Variants in ZFP90 observed in about 807,000 individuals in gnomAD.
The protein encoded by ZFP90 is zinc finger protein 90 homolog.
In ZFP90, 38 loss-of-function variants were observed where a neutral mutation model predicts 60.8. The observed-to-expected ratio is 0.62, with a 90% CI of 0.48 to 0.82. The LOEUF (loss-of-function observed/expected upper bound fraction) is 0.82, where lower values mean the gene tolerates loss of function less well. Among genes scored for constraint, ZFP90 ranks in the 40% least tolerant of loss-of-function variants. The pLI, the probability that ZFP90 is intolerant of heterozygous loss-of-function variation, is 0.00. For synonymous variants in ZFP90, 287 were observed against 264.8 expected (o/e 1.08, Z -0.82); for missense variants, 711 against 759.1 (o/e 0.94, Z 0.74).
intron 2 of ZFP90, among the ~76,000 whole-genome samples, chr16:68,542,783 C>T (rs546320543): frequency 1.3e-5 from 2 of 152,200 alleles, no homozygotes; most frequent in South Asian, 4.1e-4. Flanking sequence ...CCTTGTAACT[C>T]GTTCATTCAT....
At chr16:68,557,253 T>A (rs1728784) in intron 2 of ZFP90, 358,777 of 455,828 alleles carry the variant, frequency 0.79, 141,783 homozygotes, top group African/African-American at 0.89. Flanking sequence ...GGCTCAAGCG[T>A]TCTGCCGGCC....
At chr16:68,569,483 A>G (rs1780159753), downstream of ZFP90, among the ~76,000 whole-genome samples, 1 of 152,014 alleles carries the variant, frequency 6.6e-6, no homozygotes, top group Non-Finnish European at 1.5e-5. Context: ...TTGTTTTCCT[A>G]TCCAGTCATT....
chr16:68,570,051 CGT>C (rs3053783), downstream of ZFP90, among the ~76,000 whole-genome samples: 115,002 of 150,158 alleles, frequency 0.77, 44,073 homozygotes, highest in East Asian at 0.82. Context: ...TGTGTGTATA[CGT>C]GTGTGTGTGT....
At chr16:68,552,276 T>C (rs77542262) in intron 2 of ZFP90, among the ~76,000 whole-genome samples, 339 of 152,344 alleles carry the variant, frequency 2.2e-3, no homozygotes, top group Non-Finnish European at 3.6e-3. Flanking sequence ...TTGTCTGTTA[T>C]GTACCAAACT....
intron 2 of ZFP90, among the ~76,000 whole-genome samples, chr16:68,543,626 T>C (rs1195652248): frequency 6.6e-6 from 1 of 151,814 alleles, no homozygotes; most frequent in Admixed American, 6.6e-5. Flanking sequence ...AGTGGCGTGA[T>C]CTTGGCTCAC....
At chr16:68,557,335 G>A (rs2091361444) in intron 2 of ZFP90, 7 of 450,406 alleles carry the variant, frequency 1.6e-5, no homozygotes, top group East Asian at 1.4e-4. Flanking sequence ...TTATTAATAC[G>A]GCGAGGTGTT....
chr16:68,541,930 CTCAGTTGCAT>C (rs2091057462), intron 2 of ZFP90, among the ~76,000 whole-genome samples: 1 of 152,166 alleles, frequency 6.6e-6, no homozygotes, highest in African/African-American at 2.4e-5. Flanking sequence ...AACGCCCTGG[CTCAGTTGCAT>C]TCTCATTGAA....
chr16:68,535,625 T>C (rs908502816), upstream of ZFP90: 18 of 152,132 alleles, frequency 1.2e-4, no homozygotes, highest in Non-Finnish European at 1.9e-4. Flanking sequence ...ATACTAGGCA[T>C]TGGCAATTTA....
Position 68,564,373 on chromosome 16 carries a change from AGT to A in ZFP90, c.1590_1591del (p.Cys530TrpfsTer5). ...GGAGAGAAACCCTATGAATGTAATG[AGT>A]GTGGAGAAGCCTTTAGTCGACGCTC... is the stretch of plus-strand genomic sequence containing the variant. On this transcript the variant is annotated frameshift_variant, in exon 5 of 5. Coordinates refer to ENST00000563169, the MANE Select transcript of ZFP90 (RefSeq NM_001305203.2). LOFTEE classifies it high-confidence loss of function. 4 of 1,614,072 alleles carry A rather than the reference AGT, an allele frequency of 2.5e-6. No homozygotes were observed. Among genetic ancestry groups the A allele is most frequent in the Non-Finnish European group, 3.4e-6 (4 of 1,179,968 alleles).
chr16:68,546,005 T>A (rs971583227), intron 2 of ZFP90, among the ~76,000 whole-genome samples: 1 of 151,628 alleles, frequency 6.6e-6, no homozygotes, highest in Non-Finnish European at 1.5e-5. Flanking sequence ...TGAAACCCCA[T>A]CTCTACTAAA....
At chr16:68,556,318 G>T in intron 2 of ZFP90, among the ~76,000 whole-genome samples, 1 of 152,162 alleles carries the variant, frequency 6.6e-6, no homozygotes. Context: ...CAGCCAGCCA[G>T]CCAGCCATGT....
chr16:68,574,779 G>A (rs1485513818), intron 2 of ZFP90, among the ~76,000 whole-genome samples: 1 of 151,896 alleles, frequency 6.6e-6, no homozygotes, highest in Non-Finnish European at 1.5e-5. Context: ...ACAAAAATTA[G>A]CTGGCATGGT....
Position 68,566,189 on chromosome 16 carries a change from C to A in ZFP90, c.*1491C>A, listed in dbSNP as rs963890290. On this transcript the variant is annotated 3_prime_UTR_variant, in exon 5 of 5. Coordinates refer to ENST00000563169, the MANE Select transcript of ZFP90 (RefSeq NM_001305203.2). ...TATTAGTAAAGCATCAGCTAAGCTT[C>A]AGTGGCCTGCTCCATCCCCTAATGA... The A allele has an allele frequency of 2.3e-5, 23 of 985,446 alleles. No homozygotes were observed. In the African/African-American group the frequency reaches 4.0e-4, roughly 17 times the overall value. The allele number at this position is 985,446 out of a possible 1,614,324, so 61.0% of individuals were successfully genotyped here. A position where few individuals can be genotyped will look rare whatever the true frequency, so the allele number is the denominator to read the frequency against.
chr16:68,535,666 A>T (rs932456671), upstream of ZFP90: 9 of 150,438 alleles, frequency 6.0e-5, no homozygotes, highest in Admixed American at 2.6e-4. Flanking sequence ...AGACTGAAAT[A>T]AAAAAAAAGA....
downstream of ZFP90, among the ~76,000 whole-genome samples, chr16:68,568,843 TA>T (rs904385476): frequency 2.6e-5 from 4 of 152,254 alleles, no homozygotes; most frequent in African/African-American, 9.6e-5. Flanking sequence ...CACACCCGAC[TA>T]ATTTTTGTAT....
intron 2 of ZFP90, among the ~76,000 whole-genome samples, chr16:68,541,511 G>C (rs953509671): frequency 2.0e-5 from 3 of 151,988 alleles, no homozygotes; most frequent in Non-Finnish European, 4.4e-5. Context: ...AGTAAAGATG[G>C]GGTTTCACCA....
chr16:68,559,033 C>T (rs984479345), intron 4 of ZFP90, among the ~76,000 whole-genome samples: 5 of 152,176 alleles, frequency 3.3e-5, no homozygotes, highest in African/African-American at 1.2e-4. Context: ...GTTCATGCTG[C>T]TTTGACTCAT....
At position 68,564,925 on chromosome 16, in the gene ZFP90, G is replaced by A; in HGVS notation, c.*227G>A. 7.7e-7 allele frequency: 1 copy of A among 1,290,624 alleles called. No homozygotes were observed. 79.9% of individuals were successfully genotyped at this position (1,290,624 alleles called of 1,614,324 possible). Reference sequence around the variant, plus strand: ...CAGCTACATGTATGTAGCTGGTTGGGGATGATATGCCTGTATGTTGGACTT... The same window carrying A: ...CAGCTACATGTATGTAGCTGGTTGGAGATGATATGCCTGTATGTTGGACTT... On this transcript the variant is annotated 3_prime_UTR_variant, in exon 5 of 5. Transcript: ENST00000563169.
chr16:68,561,423 T>C (rs1045455948), intron 4 of ZFP90, among the ~76,000 whole-genome samples: 1 of 152,240 alleles, frequency 6.6e-6, no homozygotes, highest in Non-Finnish European at 1.5e-5. Flanking sequence ...CAAAGCCATT[T>C]GTTCTTTGAG....
Sources: gnomAD v4.1 joint callset for allele counts (sites outside exome capture counted in the v4.1 genomes callset) on GRCh38, gnomAD v4.1.1 for gene constraint, MANE v1.5 for transcripts, NCBI Gene and HGNC (gene_info 2026-07-23, HGNC 2026-07-21) for gene names.